SLC18B1: variants seen among roughly 807,000 people sequenced by gnomAD.
SLC18B1 encodes MFS-type transporter SLC18B1.
In SLC18B1, 62 loss-of-function variants were observed where a neutral mutation model predicts 53.9. The ratio of observed to expected loss-of-function variants is 1.15; its 90% confidence interval spans 0.94 to 1.42. The LOEUF (loss-of-function observed/expected upper bound fraction) is 1.42, where lower values mean the gene tolerates loss of function less well. SLC18B1 is among the 40% of genes most tolerant of loss of function. The probability of loss-of-function intolerance (pLI) is 0.00; values close to 1 mark genes in which losing one functional copy is unlikely to be tolerated. For synonymous variants in SLC18B1, 217 were observed against 200.9 expected, an observed-to-expected ratio of 1.08 and a Z score of -0.68; for missense variants, 598 against 547.3, an observed-to-expected ratio of 1.09 and a Z score of -0.93.
intron 13 of SLC18B1, 114 bp from the exon 14 acceptor site, chr6:132,770,450 T>A: frequency 1.1e-6 from 1 of 916,896 alleles, no homozygotes; most frequent in South Asian, 1.5e-5. Context: ...AAAAAGTTTC[T>A]ACTGCCCGGG....
chr6:132,789,196 G>A (rs1306060975), intron 4 of SLC18B1, among the ~76,000 whole-genome samples: 1 of 152,118 alleles, frequency 6.6e-6, no homozygotes, highest in African/African-American at 2.4e-5. Context: ...AACTGAGCAT[G>A]TGACCTGGCC....
intron 2 of SLC18B1, among the ~76,000 whole-genome samples, chr6:132,792,456 A>T (rs1781576035): frequency 1.3e-5 from 2 of 152,020 alleles, no homozygotes; most frequent in Admixed American, 1.3e-4. Flanking sequence ...TTTGCTTAAT[A>T]GTTCTGATAA....
At chr6:132,772,083 AC>A (rs1173263754) in intron 11 of SLC18B1, 48 bp downstream of exon 11, 2 of 1,305,892 alleles carry the variant, frequency 1.5e-6, no homozygotes, top group African/African-American at 3.2e-5. Context: ...TGAGAGTGAA[AC>A]TCCATCTCAA....
In SLC18B1 at chr6:132,787,562, C is replaced by T; in HGVS notation, c.373G>A (p.Asp125Asn). Residue 125 changes from aspartate (D) to asparagine (N), a missense_variant, in exon 5 of 14, where the codon GAT becomes AAT. Physicochemically the swap from Asp to Asn is conservative, Grantham distance 23. Transcript: ENST00000275227. ...ILFGVLDRVP[D>N]GPVFIAMCFL... ...CACATAGCAATAAATACTGGCCCAT[C>T]TGGAACTCGGTCCAATACACTAAAA... The T allele has an allele frequency of 6.3e-7, 1 of 1,599,622 alleles. No individual in the cohort carries two copies. The highest frequency in any genetic ancestry group is 1.1e-5 in the South Asian group (1 of 88,154).
At chr6:132,771,202 T>G in intron 11 of SLC18B1, 73 bp from the exon 12 acceptor site, 1 of 1,324,708 alleles carries the variant, frequency 7.5e-7, no homozygotes. Flanking sequence ...AGCTACATGA[T>G]CCTTCAATTG....
chr6:132,785,897 C>CAAAAAAAAAAAAAA (rs71545048), intron 5 of SLC18B1, among the ~76,000 whole-genome samples: 44 of 81,148 alleles, frequency 5.4e-4, no homozygotes, highest in East Asian at 1.7e-3. Context: ...CCTGTCTCTA[C>CAAAAAAAAAAAAAA]AAAAAAAAAA....
intron 6 of SLC18B1, among the ~76,000 whole-genome samples, 198 bp downstream of exon 6, chr6:132,783,735 G>T (rs1781296939): frequency 6.6e-6 from 1 of 152,136 alleles, no homozygotes; most frequent in Non-Finnish European, 1.5e-5. Flanking sequence ...TTAAATATTT[G>T]CTAGCTCTAA....
At chr6:132,775,245 C>T (rs546398282) in intron 8 of SLC18B1, among the ~76,000 whole-genome samples, 8 of 152,326 alleles carry the variant, frequency 5.3e-5, no homozygotes, top group African/African-American at 1.7e-4. Context: ...TCAAATCTGC[C>T]AGTGCCTTAA....
chr6:132,771,469 G>C (rs949267307), intron 11 of SLC18B1, among the ~76,000 whole-genome samples: 1 of 151,974 alleles, frequency 6.6e-6, no homozygotes, highest in Admixed American at 6.6e-5. Flanking sequence ...ATATTACATT[G>C]TTAGCATAGT....
At chr6:132,789,649 T>C (rs969573123) in intron 4 of SLC18B1, 115 bp downstream of exon 4, 2 of 743,024 alleles carry the variant, frequency 2.7e-6, no homozygotes, top group Non-Finnish European at 4.8e-6. Context: ...TCACATGCTA[T>C]GCATTTGACA....
intron 1 of SLC18B1, 21 bp downstream of exon 1, chr6:132,798,393 G>A (rs958454861): frequency 6.6e-7 from 1 of 1,517,078 alleles, no homozygotes. Flanking sequence ...CCGGGCTCCC[G>A]GCCACGCAAT....
At chr6:132,780,543 T>G (rs1418672413) in intron 6 of SLC18B1, among the ~76,000 whole-genome samples, 1 of 149,226 alleles carries the variant, frequency 6.7e-6, no homozygotes, top group African/African-American at 2.5e-5. Flanking sequence ...ATATAAGAGA[T>G]AAAAGTTAAA....
chr6:132,792,284 G>GAAAGAAAGAAAGGAAGA (rs1461079612), intron 2 of SLC18B1, among the ~76,000 whole-genome samples: 1 of 37,780 alleles, frequency 2.6e-5, no homozygotes, highest in Non-Finnish European at 4.7e-5. Flanking sequence ...AGAAAGAAAG[G>GAAAGAAAGAAAGGAAGA]AAGAAAGGAA....
chr6:132,772,150 C>G lies in SLC18B1; in HGVS notation c.1142G>C (p.Ser381Thr). 6.4e-7 allele frequency: 1 copy of G among 1,573,732 alleles called. No homozygotes were observed. Residue 381 changes from serine (S) to threonine (T), a missense_variant, in exon 11 of 14, where the codon AGT (serine) becomes ACT (threonine). Ser to Thr is a moderately conservative substitution (Grantham distance 58). Coordinates refer to ENST00000275227, the MANE Select transcript of SLC18B1 (RefSeq NM_052831.3). Reference sequence around the variant, plus strand: ...TACTCACCCAATTGACCACATTGCACTAAAAAGACCTGATACAAGTCCCAA... The same window carrying G: ...TACTCACCCAATTGACCACATTGCAGTAAAAAGACCTGATACAAGTCCCAA... ...STLGLVSGLFSAMWSIGAFMG... is the reference protein window; with the variant it reads ...STLGLVSGLFTAMWSIGAFMG...
chr6:132,788,705 G>A (rs1781444678), intron 4 of SLC18B1, among the ~76,000 whole-genome samples: 1 of 151,742 alleles, frequency 6.6e-6, no homozygotes, highest in Non-Finnish European at 1.5e-5. Context: ...CCCCTGTAAT[G>A]CCAGCTATTT....
rs1048554736 is a variant in SLC18B1 at position 132,790,277 on chromosome 6, A to C, written c.184-5T>G. ...GCTGGCTCCCTTCTTTTCAGCCTTTAAGTAATAGAAACGGAAACAAAGTTT... is the reference window on the plus strand; with the variant it reads ...GCTGGCTCCCTTCTTTTCAGCCTTTCAGTAATAGAAACGGAAACAAAGTTT... On this transcript the variant is annotated splice_polypyrimidine_tract_variant and splice_region_variant and intron_variant, in intron 2 of 13. Transcript: ENST00000275227. The C allele has an allele frequency of 3.3e-6, 5 of 1,522,306 alleles. No individual in the cohort carries two copies. In the African/African-American group the frequency reaches 7.0e-5, roughly 21 times the overall value. 94.3% of individuals were successfully genotyped at this position (1,522,306 alleles called of 1,614,324 possible). A position where few individuals can be genotyped will look rare whatever the true frequency, so the allele number is the denominator to read the frequency against.
intron 2 of SLC18B1, among the ~76,000 whole-genome samples, chr6:132,792,675 C>T (rs925127025): frequency 3.3e-5 from 5 of 152,144 alleles, no homozygotes; most frequent in African/African-American, 1.2e-4. Context: ...TGAGCCACTA[C>T]AGTTTCCATC....
At position 132,798,626 on chromosome 6, in the gene SLC18B1, T is replaced by C; in HGVS notation, c.-170A>G. ...GCCCGGCCCGGAGCTCCCCAAAGCC[T>C]TCCAGGACTCTGGGTCCCCGGGAGG... On this transcript the variant is annotated 5_prime_UTR_variant, in exon 1 of 14. Transcript: ENST00000275227. 5.1e-6 allele frequency: 3 copies of C among 587,826 alleles called. No individual in the cohort carries two copies. The highest frequency in any genetic ancestry group is 4.7e-5 in the South Asian group (1 of 21,254). The allele number at this position is 587,826 out of a possible 1,614,324, so 36.4% of individuals were successfully genotyped here.
chr6:132,785,087 C>A lies in SLC18B1; in HGVS notation c.502-998G>T, dbSNP rs148931653. Reference sequence around the variant, plus strand: ...AGAAAAAAGGGGGAGGGAAATCATGCTCTCTTGTTCTCGTGCTCTCTCTCT... The same window carrying A: ...AGAAAAAAGGGGGAGGGAAATCATGATCTCTTGTTCTCGTGCTCTCTCTCT... On this transcript the variant is annotated intron_variant, in intron 5 of 13. Coordinates refer to ENST00000275227, the MANE Select transcript of SLC18B1 (RefSeq NM_052831.3). 4.9e-3 allele frequency among the ~76,000 whole-genome samples: 736 copies of A among 150,298 alleles called. 5 individuals carry two copies. Among genetic ancestry groups the A allele is most frequent in the African/African-American group, 0.016 (650 of 41,040 alleles).
Sources: gnomAD v4.1 joint callset for allele counts (sites outside exome capture counted in the v4.1 genomes callset) on GRCh38, gnomAD v4.1.1 for gene constraint, MANE v1.5 for transcripts, NCBI Gene and HGNC (gene_info 2026-07-23, HGNC 2026-07-21) for gene names.